Variants in POLA1 observed in about 807,000 individuals in gnomAD.
POLA1 encodes DNA polymerase alpha 1, catalytic subunit, also known as DNA polymerase alpha catalytic subunit.
Under a neutral mutation model 124.0 loss-of-function variants are expected in POLA1, and 15 were observed. The ratio of observed to expected loss-of-function variants is 0.12; its 90% CI spans 0.08 to 0.19. POLA1 has a LOEUF of 0.19. POLA1 is among the 10% of genes least tolerant of loss of function. The probability of loss-of-function intolerance (pLI) is 1.00; values close to 1 mark genes in which losing one functional copy is unlikely to be tolerated. For synonymous variants in POLA1, 408 were observed against 389.4 expected (o/e 1.05, Z -0.56); for missense variants, 886 against 1,103.4 (o/e 0.80, Z 2.79).
At chrX:24,865,576 A>G (rs1179931332) in intron 34 of POLA1, among the ~76,000 whole-genome samples, 6 of 112,118 alleles carry the variant, frequency 5.4e-5, no homozygotes, top group Non-Finnish European at 1.1e-4. Flanking sequence ...TCAAGGAACT[A>G]TTAAAACACA....
intron 32 of POLA1, 107 bp downstream of exon 32, chrX:24,826,708 T>A: frequency 6.0e-6 from 3 of 500,913 alleles, no homozygotes; most frequent in Non-Finnish European, 9.8e-6. Flanking sequence ...TGTCTGGCAC[T>A]TCTTTGTTTA....
chrX:24,908,559 A>G (rs770013849), intron 35 of POLA1, among the ~76,000 whole-genome samples: 3 of 110,357 alleles, frequency 2.7e-5, no homozygotes, highest in African/African-American at 9.9e-5. Context: ...TACAAAGGAC[A>G]TGAACTCTTC....
Position 24,739,505 on chromosome X carries a change from C to G in POLA1, c.2171C>G (p.Thr724Ser). ...LSELVQQILKTERVVIPMENI... is the reference protein window; with the variant it reads ...LSELVQQILKSERVVIPMENI... The stretch of plus-strand genomic sequence containing the variant: ...GAACTTGTTCAGCAGATTCTAAAAA[C>G]TGAAAGGGTTGTAATCCCAATGGAA... The change falls in exon 20 of 37, where the codon ACT becomes AGT. Residue 724 changes from threonine to serine, a missense_variant. By Grantham distance (58) the Thr-to-Ser change is moderately conservative. This residue lies in a region of POLA1 where 182 missense variants were observed against 252.8 expected (regional missense o/e 0.72). Transcript: ENST00000379068. 1 of 1,191,207 alleles carries G rather than the reference C, an allele frequency of 8.4e-7. No homozygotes were observed. Among genetic ancestry groups the G allele is most frequent in the Non-Finnish European group, 1.1e-6 (1 of 878,677 alleles).
chrX:24,911,002 A>T (rs1201837229), intron 35 of POLA1, among the ~76,000 whole-genome samples: 1 of 112,353 alleles, frequency 8.9e-6, no homozygotes, highest in Non-Finnish European at 1.9e-5. Context: ...AATGAATTTT[A>T]AAAAATTGAA....
chrX:24,986,938 A>G (rs893137311), intron 36 of POLA1, among the ~76,000 whole-genome samples: 1 of 111,233 alleles, frequency 9.0e-6, no homozygotes, highest in African/African-American at 3.3e-5. Flanking sequence ...AGCTTCTAAG[A>G]TGGCACCCAG....
At chrX:24,699,365 T>G (rs1928250366) in intron 1 of POLA1, 60 bp from the exon 2 acceptor site, 7 of 1,010,154 alleles carry the variant, frequency 6.9e-6, no homozygotes, top group Non-Finnish European at 9.2e-6. Flanking sequence ...TCCTTTGTGT[T>G]TGAGGGAAGA....
intron 26 of POLA1, among the ~76,000 whole-genome samples, chrX:24,796,654 A>G (rs1439399885): frequency 1.8e-5 from 2 of 111,153 alleles, no homozygotes; most frequent in African/African-American, 6.5e-5. Flanking sequence ...GAGTTCTGTT[A>G]TTGTCTGCAT....
chrX:24,802,978 G>A (rs933611848), intron 26 of POLA1, among the ~76,000 whole-genome samples: 5 of 111,232 alleles, frequency 4.5e-5, no homozygotes, highest in South Asian at 3.8e-4. Flanking sequence ...CAGCCTGGGC[G>A]ACAGAGCAAG....
At chrX:24,751,167 T>A (rs1197844888) in intron 26 of POLA1, among the ~76,000 whole-genome samples, 1 of 110,897 alleles carries the variant, frequency 9.0e-6, no homozygotes, top group Non-Finnish European at 1.9e-5. Flanking sequence ...CCTTGGAGAG[T>A]GCCTCTTGCT....
intron 33 of POLA1, among the ~76,000 whole-genome samples, chrX:24,842,288 C>CT (rs2046420421): frequency 9.0e-6 from 1 of 111,623 alleles, no homozygotes; most frequent in South Asian, 3.8e-4. Context: ...CAAAGGTACT[C>CT]TTATCTTTTC....
At chrX:24,813,344 G>A (rs1216835471) in intron 29 of POLA1, among the ~76,000 whole-genome samples, 2 of 111,346 alleles carry the variant, frequency 1.8e-5, no homozygotes, top group African/African-American at 3.3e-5. Flanking sequence ...CGTATGATTT[G>A]TATATAAAAG....
chrX:24,758,032 G>T (rs1932702602), intron 26 of POLA1, among the ~76,000 whole-genome samples: 1 of 111,151 alleles, frequency 9.0e-6, no homozygotes, highest in African/African-American at 3.3e-5. Flanking sequence ...AAAAATTGAT[G>T]AAAGTAATGT....
chrX:24,808,115 C>T (rs1455710077), intron 26 of POLA1, among the ~76,000 whole-genome samples: 1 of 111,692 alleles, frequency 9.0e-6, no homozygotes, highest in Non-Finnish European at 1.9e-5. Context: ...AGACCTAAAG[C>T]CAGTAGAGAC....
intron 34 of POLA1, among the ~76,000 whole-genome samples, chrX:24,878,503 C>T (rs1360962112): frequency 1.8e-5 from 2 of 110,791 alleles, no homozygotes; most frequent in African/African-American, 3.3e-5. Context: ...GGGGAGAGGG[C>T]GTGGGGAACA....
intron 10 of POLA1, among the ~76,000 whole-genome samples, chrX:24,718,892 G>GATCA (rs1930022424): frequency 1.8e-5 from 2 of 111,591 alleles, no homozygotes; most frequent in African/African-American, 6.5e-5. Flanking sequence ...TGGGGGAGGT[G>GATCA]ACAGAAAGGA....
At chrX:24,874,359 A>G (rs2046905048) in intron 34 of POLA1, among the ~76,000 whole-genome samples, 1 of 112,034 alleles carries the variant, frequency 8.9e-6, no homozygotes, top group Non-Finnish European at 1.9e-5. Context: ...AATGTTATTA[A>G]GCTATGTACA....
chrX:24,795,451 C>A (rs1018414347), intron 26 of POLA1, among the ~76,000 whole-genome samples: 1 of 110,975 alleles, frequency 9.0e-6, no homozygotes, highest in Non-Finnish European at 1.9e-5. Context: ...GCCACCATGC[C>A]CTTGAGCCCA....
At chrX:24,883,303 TTACTC>T (rs1337420998) in intron 34 of POLA1, among the ~76,000 whole-genome samples, 3 of 112,410 alleles carry the variant, frequency 2.7e-5, no homozygotes, top group Admixed American at 9.4e-5. Flanking sequence ...AGTTGTCTGT[TTACTC>T]TGTTGATAGT....
At chrX:24,769,119 T>C (rs112550505) in intron 26 of POLA1, among the ~76,000 whole-genome samples, 4,444 of 112,058 alleles carry the variant, frequency 0.04, 219 homozygotes, top group African/African-American at 0.14. Context: ...GGTTTTTCTT[T>C]TCTGTCACTT....
Sources: gnomAD v4.1 joint callset for allele counts (sites outside exome capture counted in the v4.1 genomes callset) on GRCh38, gnomAD v4.1.1 for gene constraint, gnomAD v4.1.1 regional missense constraint, MANE v1.5 for transcripts, NCBI Gene and HGNC (gene_info 2026-07-23, HGNC 2026-07-21) for gene names.